Variants in ARMC9 observed in about 807,000 individuals in gnomAD.
ARMC9 encodes the protein armadillo repeat containing 9, also known as lisH domain-containing protein ARMC9.
Under a neutral mutation model 107.0 loss-of-function variants are expected in ARMC9, and 94 were observed. The ratio of observed to expected loss-of-function variants is 0.88; its 90% CI spans 0.74 to 1.04. The LOEUF is 1.04. Ranked by LOEUF, ARMC9 falls within the 50% of genes least tolerant of loss-of-function variation. The probability of loss-of-function intolerance (pLI) is 0.00; values close to 1 mark genes in which losing one functional copy is unlikely to be tolerated. For missense variants in ARMC9, 942 were observed against 1,030.1 expected, an observed-to-expected ratio of 0.91 and a Z score of 1.17; for synonymous variants, 380 against 396.9, an observed-to-expected ratio of 0.96 and a Z score of 0.51.
intron 24 of ARMC9, 82 bp downstream of exon 24, chr2:231,370,207 G>A (rs2045964636): frequency 7.1e-7 from 1 of 1,402,408 alleles, no homozygotes. Flanking sequence ...GCTATATTTG[G>A]CCCCGTGCTC....
chr2:231,286,491 G>A (rs1458319541), intron 17 of ARMC9, among the ~76,000 whole-genome samples: 1 of 152,148 alleles, frequency 6.6e-6, no homozygotes, highest in African/African-American at 2.4e-5. Context: ...ATCACTAAAG[G>A]ATCTATCTTT....
intron 16 of ARMC9, among the ~76,000 whole-genome samples, chr2:231,279,958 G>A (rs2040079855): frequency 6.6e-6 from 1 of 152,280 alleles, no homozygotes; most frequent in African/African-American, 2.4e-5. Flanking sequence ...AAGCTAGTGA[G>A]CTCTGAACTA....
At chr2:231,202,103 G>A (rs1260643346) in intron 1 of ARMC9, among the ~76,000 whole-genome samples, 3 of 150,994 alleles carry the variant, frequency 2.0e-5, no homozygotes, top group African/African-American at 4.9e-5. Context: ...GGGTTCAAGC[G>A]ATTCTCCTGC....
intron 22 of ARMC9, among the ~76,000 whole-genome samples, chr2:231,357,715 G>A (rs919889451): frequency 5.3e-5 from 8 of 152,164 alleles, no homozygotes; most frequent in Admixed American, 5.2e-4. Context: ...TGGCACTACA[G>A]ATGCACCACC....
chr2:231,208,264 C>T lies in ARMC9; in HGVS notation c.177+12C>T, dbSNP rs929191728. ...CATTGACAATTCAGGTAACATTTTG[C>T]TTATTTTTCATCCCTGTAGATAATT... On this transcript the variant is annotated intron_variant, in intron 3 of 24. Transcript: ENST00000611582. 2.5e-6 allele frequency: 4 copies of T among 1,597,502 alleles called. No individual in the cohort carries two copies. Among genetic ancestry groups the T allele is most frequent in the Non-Finnish European group, 3.4e-6 (4 of 1,167,352 alleles).
intron 18 of ARMC9, among the ~76,000 whole-genome samples, chr2:231,291,706 T>C (rs897301996): frequency 6.6e-6 from 1 of 151,338 alleles, no homozygotes; most frequent in Non-Finnish European, 1.5e-5. Flanking sequence ...TCCCAGCTAC[T>C]CAGGAGGCTG....
chr2:231,303,523 G>C (rs1292415843), intron 19 of ARMC9, among the ~76,000 whole-genome samples: 1 of 152,162 alleles, frequency 6.6e-6, no homozygotes, highest in African/African-American at 2.4e-5. Flanking sequence ...GATTAAGAAA[G>C]TTTCCCTCTG....
At chr2:231,243,179 G>A (rs1171892008) in intron 9 of ARMC9, among the ~76,000 whole-genome samples, 2 of 151,906 alleles carry the variant, frequency 1.3e-5, no homozygotes, top group African/African-American at 2.4e-5. Context: ...CCCGGGAGGC[G>A]GAGCTTGCAG....
intron 8 of ARMC9, among the ~76,000 whole-genome samples, chr2:231,237,048 A>G (rs2035778294): frequency 6.6e-6 from 1 of 152,262 alleles, no homozygotes; most frequent in South Asian, 2.1e-4. Context: ...AAAGATTGAA[A>G]CAGTTCAGAG....
chr2:231,270,301 G>C (rs75445705), intron 12 of ARMC9, among the ~76,000 whole-genome samples: 12,925 of 152,192 alleles, frequency 0.085, 664 homozygotes, highest in Non-Finnish European at 0.12. Flanking sequence ...GACCCTTTGT[G>C]TCTCCCTCAC....
At chr2:231,211,256 C>A (rs1339925588) in intron 3 of ARMC9, among the ~76,000 whole-genome samples, 2 of 151,770 alleles carry the variant, frequency 1.3e-5, no homozygotes, top group African/African-American at 4.8e-5. Flanking sequence ...CGTGGTGGCT[C>A]ATGCCTGTAA....
intron 12 of ARMC9, among the ~76,000 whole-genome samples, chr2:231,268,059 A>AT (rs762541011): frequency 6.6e-6 from 1 of 152,218 alleles, no homozygotes; most frequent in Non-Finnish European, 1.5e-5. Context: ...CCCTGGGTGA[A>AT]TATCACAGAC....
intron 24 of ARMC9, 132 bp downstream of exon 24, chr2:231,370,257 C>A: frequency 9.4e-7 from 1 of 1,059,632 alleles, no homozygotes; most frequent in Non-Finnish European, 1.3e-6. Flanking sequence ...AGAAGGCCTG[C>A]TTCCCTTCCC....
intron 9 of ARMC9, among the ~76,000 whole-genome samples, chr2:231,241,380 G>A (rs186603379): frequency 1.1e-3 from 165 of 152,200 alleles, no homozygotes; most frequent in Middle Eastern, 3.4e-3. Context: ...AACCAGGAGA[G>A]ACACTGTTGT....
At chr2:231,274,855 C>T (rs1460880980) in intron 14 of ARMC9, among the ~76,000 whole-genome samples, 1 of 152,144 alleles carries the variant, frequency 6.6e-6, no homozygotes, top group African/African-American at 2.4e-5. Flanking sequence ...ATTCTTTGTT[C>T]TAACTATATG....
At chr2:231,206,424 T>C (rs2032002152) in intron 2 of ARMC9, 135 bp downstream of exon 2, 1 of 722,128 alleles carries the variant, frequency 1.4e-6, no homozygotes, top group Non-Finnish European at 2.1e-6. Flanking sequence ...TATTATATAA[T>C]ATTCCATGTA....
intron 22 of ARMC9, among the ~76,000 whole-genome samples, chr2:231,357,833 A>C (rs1004953377): frequency 3.9e-5 from 6 of 152,134 alleles, no homozygotes; most frequent in Non-Finnish European, 7.4e-5. Context: ...AGCCTCCCAA[A>C]GCACTGGGAT....
chr2:231,302,430 T>C (rs2041790599), intron 19 of ARMC9, among the ~76,000 whole-genome samples: 1 of 134,434 alleles, frequency 7.4e-6, no homozygotes. Context: ...TGTAGCATTG[T>C]GGGTTTGTTT....
At chr2:231,225,188 A>G (rs998024018) in intron 6 of ARMC9, among the ~76,000 whole-genome samples, 8 of 152,226 alleles carry the variant, frequency 5.3e-5, no homozygotes, top group Admixed American at 6.5e-5. Flanking sequence ...AGGTACATGT[A>G]TGTGTGTGTA....
Sources: allele counts gnomAD v4.1 joint callset (sites outside exome capture counted in the v4.1 genomes callset), GRCh38; gene constraint gnomAD v4.1.1; transcripts MANE v1.5; gene names NCBI Gene and HGNC (gene_info 2026-07-23, HGNC 2026-07-21).